The following CUX2 variants were observed in gnomAD, a reference collection of about 807,000 sequenced individuals.
The protein encoded by CUX2 is cut like homeobox 2.
CUX2 carries 40 observed loss-of-function variants against 144.8 expected under a neutral mutation model. The ratio of observed to expected loss-of-function variants is 0.28; its 90% CI spans 0.21 to 0.36. The LOEUF is 0.36. CUX2 is among the 10% of genes least tolerant of loss of function. The probability of loss-of-function intolerance (pLI) is 1.00; values close to 1 mark genes in which losing one functional copy is unlikely to be tolerated. For synonymous variants in CUX2, 827 were observed against 875.6 expected, an observed-to-expected ratio of 0.94 and a Z score of 0.98; for missense variants, 1,615 against 1,994.0, an observed-to-expected ratio of 0.81 and a Z score of 3.62.
At chr12:111,132,874 C>T (rs1592926038) in intron 1 of CUX2, among the ~76,000 whole-genome samples, 3 of 152,174 alleles carry the variant, frequency 2.0e-5, no homozygotes, top group Admixed American at 2.0e-4. Context: ...GGCCTGTTTC[C>T]CTTTTAAGAT....
At chr12:111,250,917 A>G (rs1213269461) in intron 3 of CUX2, among the ~76,000 whole-genome samples, 1 of 152,212 alleles carries the variant, frequency 6.6e-6, no homozygotes, top group African/African-American at 2.4e-5. Context: ...CAGGGCAGGA[A>G]ACATAACTTC....
chr12:111,323,808 A>G (rs1254628189), intron 18 of CUX2, among the ~76,000 whole-genome samples: 2 of 151,888 alleles, frequency 1.3e-5, no homozygotes, highest in Non-Finnish European at 2.9e-5. Context: ...TGTAATCCCA[A>G]TACTTTGGGA....
Position 111,320,373 on chromosome 12 carries a change from C to A in CUX2, c.2364C>A (p.His788Gln). 1 of 1,598,130 alleles carries A rather than the reference C, an allele frequency of 6.3e-7. No homozygotes were observed. Among genetic ancestry groups the A allele is most frequent in the Non-Finnish European group, 8.5e-7 (1 of 1,179,160 alleles). The change falls in exon 17 of 22, where the codon CAC becomes CAA. Residue 788 changes from histidine to glutamine, a missense_variant. Physicochemically the swap from His to Gln is conservative, Grantham distance 24 (BLOSUM62 0). Around this residue, in one of 12 missense-constraint regions of CUX2, gnomAD observed 390 missense variants for 387.1 expected, o/e 1.01. Transcript: ENST00000261726. The surrounding 1 kb of genome is among the most constrained non-coding windows in gnomAD (Gnocchi z 8.1). The stretch of plus-strand genomic sequence containing the variant: ...GCGACGCCGGCTACTTCGACCACCA[C>A]TGGGCCTCCGACCGCGGCCTGCTCA... ...EIGDAGYFDH[H>Q]WASDRGLLSR... is the part of the protein sequence containing the mutation.
chr12:111,119,970 A>G (rs1874543352), intron 1 of CUX2, among the ~76,000 whole-genome samples: 1 of 152,250 alleles, frequency 6.6e-6, no homozygotes, highest in Non-Finnish European at 1.5e-5. Flanking sequence ...AGGCAGGAGA[A>G]TAGTTTGCAC....
rs73416635 is a variant in CUX2 at position 111,291,402 on chromosome 12, T to C, written c.302-16T>C. The C allele has an allele frequency of 5.1e-3, 8,104 of 1,587,150 alleles. 391 individuals carry two copies. In the African/African-American group the frequency reaches 0.096, roughly 19 times the overall value. On this transcript the variant is annotated splice_polypyrimidine_tract_variant and intron_variant, in intron 4 of 21. Coordinates refer to ENST00000261726, the MANE Select transcript of CUX2 (RefSeq NM_015267.4). ...CATCAGGCCCTCACTATCCCTGTCT[T>C]TCTCTCCCTGCACAGACCCCGTGCC...
At chr12:111,135,587 G>A (rs1458030505) in intron 1 of CUX2, among the ~76,000 whole-genome samples, 1 of 152,210 alleles carries the variant, frequency 6.6e-6, no homozygotes, top group African/African-American at 2.4e-5. Flanking sequence ...ACCCGCATGT[G>A]CATCGCTCAT....
rs201979932 is a variant in CUX2, at chr12:111,341,842, C to T, written c.3448C>T (p.Arg1150Cys). 117 of 1,613,428 alleles carry T rather than the reference C, an allele frequency of 7.3e-5. No homozygotes were observed. In the East Asian group the frequency reaches 7.4e-4, roughly 10 times the overall value. Reference sequence around the variant, plus strand: ...CTCAGACAGTGAGTCCCCGGCCACCCGCTCAGAGTGCCCCAGCCCCTGCCT... The same window carrying T: ...CTCAGACAGTGAGTCCCCGGCCACCTGCTCAGAGTGCCCCAGCCCCTGCCT... ...TGSDSESPAT[R>C]SECPSPCLQP... The change falls in exon 21 of 22, where the codon CGC becomes TGC. Residue 1150 changes from arginine to cysteine, a missense_variant. By Grantham distance (180) the Arg-to-Cys change is radical. Around this residue, in one of 12 missense-constraint regions of CUX2, gnomAD observed 131 missense variants for 223.1 expected, o/e 0.59. Coordinates refer to ENST00000261726, the MANE Select transcript of CUX2 (RefSeq NM_015267.4).
intron 1 of CUX2, among the ~76,000 whole-genome samples, chr12:111,201,414 T>A (rs1043577085): frequency 6.6e-6 from 1 of 152,116 alleles, no homozygotes; most frequent in African/African-American, 2.4e-5. Flanking sequence ...GGCTGTAAGA[T>A]ACATCCAGAT....
Position 111,310,705 on chromosome 12 carries a change from C to T in CUX2, c.1900+23C>T, listed in dbSNP as rs778568136. 2 of 1,559,072 alleles carry T rather than the reference C, an allele frequency of 1.3e-6. No homozygotes were observed. The highest frequency in any genetic ancestry group is 2.7e-5 in the African/African-American group (2 of 74,154). On this transcript the variant is annotated intron_variant, in intron 15 of 21. Coordinates refer to ENST00000261726, the MANE Select transcript of CUX2 (RefSeq NM_015267.4). This position sits in a 1 kb window ranked among gnomAD's most constrained non-coding sequence, Gnocchi z 7.9. ...GAGGTGAGTGCCCAAGAGGGCCCGTCCCCGCTGGCCACCACGCCAGGTCCA... is the reference window on the plus strand; with the variant it reads ...GAGGTGAGTGCCCAAGAGGGCCCGTTCCCGCTGGCCACCACGCCAGGTCCA...
chr12:111,248,775 G>A (rs907579813), intron 3 of CUX2, among the ~76,000 whole-genome samples: 6 of 152,202 alleles, frequency 3.9e-5, no homozygotes, highest in Admixed American at 1.3e-4. Flanking sequence ...GGCCGCTGTC[G>A]ATGGAAACAT....
At chr12:111,252,268 C>A (rs1592884419) in intron 3 of CUX2, among the ~76,000 whole-genome samples, 1 of 152,222 alleles carries the variant, frequency 6.6e-6, no homozygotes, top group Non-Finnish European at 1.5e-5. Flanking sequence ...AAGGAGCCTT[C>A]GGCCCATAGC....
chr12:111,274,056 TTTG>T (rs1325359580), intron 4 of CUX2, among the ~76,000 whole-genome samples: 2 of 152,118 alleles, frequency 1.3e-5, no homozygotes, highest in East Asian at 1.9e-4. Flanking sequence ...AACTTGATTT[TTTG>T]TTGTTGTTTT....
chr12:111,101,040 A>G (rs1221640944), intron 1 of CUX2, among the ~76,000 whole-genome samples: 3 of 152,178 alleles, frequency 2.0e-5, no homozygotes, highest in African/African-American at 7.2e-5. Context: ...GGTTTTGTCA[A>G]GATTTGCCTT....
At chr12:111,257,594 T>A (rs1046757066) in intron 3 of CUX2, among the ~76,000 whole-genome samples, 1 of 112,048 alleles carries the variant, frequency 8.9e-6, no homozygotes, top group African/African-American at 3.6e-5. Flanking sequence ...CTCTCCCTCC[T>A]CCTTCTCCTC....
rs947268536 is a variant in CUX2, at chr12:111,295,014, C to T, written c.561-319C>T. Among the ~76,000 whole-genome samples, 1 of 152,112 alleles carries T rather than the reference C, an allele frequency of 6.6e-6. No homozygotes were observed. Among genetic ancestry groups the T allele is most frequent in the African/African-American group, 2.4e-5 (1 of 41,410 alleles). On this transcript the variant is annotated intron_variant, in intron 6 of 21. Transcript: ENST00000261726. The surrounding 1 kb of genome is among the most constrained non-coding windows in gnomAD (Gnocchi z 5.0). The stretch of plus-strand genomic sequence containing the variant: ...ACACCACTGAGCATGCTTCACAGTA[C>T]CCCCTGAGGCAGACCCTATCAGAAA...
intron 3 of CUX2, among the ~76,000 whole-genome samples, chr12:111,219,290 G>C (rs2136230740): frequency 6.6e-6 from 1 of 152,032 alleles, no homozygotes; most frequent in Middle Eastern, 3.4e-3. Context: ...TGGTTCATTT[G>C]GTTGCAAGGT....
rs191232163 is a variant in CUX2, at chr12:111,117,306, A to G, written c.63+83066A>G. The stretch of plus-strand genomic sequence containing the variant: ...GGCTACATGTCCATCATATATGGGC[A>G]GTGGACTTGGCTCATCAGTGTCTCT... On this transcript the variant is annotated intron_variant, in intron 1 of 21. Transcript: ENST00000261726. Among the ~76,000 whole-genome samples the G allele has an allele frequency of 3.5e-4, 53 of 152,336 alleles. 1 individual carries two copies. Among genetic ancestry groups the G allele is most frequent in the Non-Finnish European group, 3.1e-4 (21 of 68,022 alleles).
At chr12:111,344,326 T>C (rs1191670013) in intron 21 of CUX2, among the ~76,000 whole-genome samples, 1 of 152,098 alleles carries the variant, frequency 6.6e-6, no homozygotes, top group Non-Finnish European at 1.5e-5. Context: ...TTCACTATAA[T>C]CTAATAAATG....
chr12:111,331,510 T>A (rs577361177), intron 18 of CUX2, among the ~76,000 whole-genome samples: 2 of 152,170 alleles, frequency 1.3e-5, no homozygotes, highest in Admixed American at 1.3e-4. Context: ...TCCTGGTTTC[T>A]CAGGAGGCTC....
Sources: gnomAD v4.1 joint callset for allele counts (sites outside exome capture counted in the v4.1 genomes callset) on GRCh38, gnomAD v4.1.1 for gene constraint, gnomAD v4.1.1 regional missense constraint, Gnocchi (gnomAD v3.1) non-coding constraint, MANE v1.5 for transcripts, NCBI Gene and HGNC (gene_info 2026-07-23, HGNC 2026-07-21) for gene names.